Variants in TRIP12 observed in about 807,000 individuals in gnomAD.
TRIP12 encodes the protein thyroid hormone receptor interactor 12, also known as E3 ubiquitin-protein ligase TRIP12.
TRIP12 carries 25 observed loss-of-function variants against 244.2 expected under a neutral mutation model. The ratio of observed to expected loss-of-function variants is 0.10; its 90% CI spans 0.07 to 0.14. The LOEUF is 0.14. TRIP12 is among the 10% of genes least tolerant of loss of function. The pLI, the probability that TRIP12 is intolerant of heterozygous loss-of-function variation, is 1.00. For synonymous variants in TRIP12, 905 were observed against 873.1 expected, an observed-to-expected ratio of 1.04 and a Z score of -0.64; for missense variants, 1,677 against 2,486.4, an observed-to-expected ratio of 0.67 and a Z score of 6.92.
chr2:229,768,530 G>C, intron 41 of TRIP12, 86 bp downstream of exon 41: 1 of 1,230,212 alleles, frequency 8.1e-7, no homozygotes, highest in Non-Finnish European at 1.2e-6. Flanking sequence ...GTGAGATAAA[G>C]AATCTCCTGC....
At chr2:229,801,734 G>A (rs2044404088) in intron 21 of TRIP12, among the ~76,000 whole-genome samples, 1 of 152,174 alleles carries the variant, frequency 6.6e-6, no homozygotes, top group South Asian at 2.1e-4. Flanking sequence ...GAGAATTTAA[G>A]AACTCTCATT....
intron 4 of TRIP12, among the ~76,000 whole-genome samples, chr2:229,851,381 A>G (rs1480053030): frequency 6.6e-6 from 1 of 151,840 alleles, no homozygotes; most frequent in African/African-American, 2.4e-5. Flanking sequence ...TATCTAGCTA[A>G]TCTGGTGGGG....
rs190639111 is a variant in TRIP12, at chr2:229,777,363, T to C, written c.5481A>G (p.Leu1827=). ...TTTTCTTCTGTCTGACAATGTCTTC[T>C]AGGTGATAAACTGATCTGGCTACAA... ...DPVVARSVYH[L]EDIVRQKKRL... is the part of the protein sequence containing the mutation. Residue 1827 remains leucine (L), a synonymous_variant, in exon 37 of 42, where the codon CTA becomes CTG. Transcript: ENST00000675903. 11 of 1,613,958 alleles carry C rather than the reference T, an allele frequency of 6.8e-6. No individual in the cohort carries two copies. The Admixed American group carries it at 1.3e-4, about 20-fold the overall frequency.
At chr2:229,870,429 G>A (rs981283678) in intron 2 of TRIP12, among the ~76,000 whole-genome samples, 3 of 152,188 alleles carry the variant, frequency 2.0e-5, no homozygotes, top group African/African-American at 2.4e-5. Context: ...GATGAACAGA[G>A]AGGAGGCAGC....
intron 4 of TRIP12, among the ~76,000 whole-genome samples, chr2:229,846,674 T>TA (rs11379468): frequency 0.64 from 97,153 of 151,850 alleles, 31,372 homozygotes; most frequent in East Asian, 0.77. Flanking sequence ...AAAATAAATT[T>TA]AAAAAAATGA....
chr2:229,921,562 AC>A (rs1359525978), intron 1 of TRIP12: 1 of 147,066 alleles, frequency 6.8e-6, no homozygotes, highest in Non-Finnish European at 1.5e-5. Context: ...CGCAAGCCTT[AC>A]CCCGGTTCTG....
At position 229,774,676 on chromosome 2, in the gene TRIP12, G is replaced by A. The variant is rs542947248; in HGVS notation, c.5530-415C>T. Reference sequence around the variant, plus strand: ...ATACTAATAATACAGTTGGGAAATCGTAAATATAAAAAACATACTATCTAG... The same window carrying A: ...ATACTAATAATACAGTTGGGAAATCATAAATATAAAAAACATACTATCTAG... On this transcript the variant is annotated intron_variant, in intron 37 of 41. Coordinates refer to ENST00000675903, the MANE Select transcript of TRIP12 (RefSeq NM_001348323.3). Among the ~76,000 whole-genome samples the A allele has an allele frequency of 8.3e-4, 126 of 152,054 alleles. 1 individual carries two copies. Among genetic ancestry groups the A allele is most frequent in the Middle Eastern group, 3.4e-3 (1 of 294 alleles).
Position 229,767,678 on chromosome 2 carries a change from A to T in TRIP12, c.6080T>A (p.Phe2027Tyr). Residue 2027 changes from phenylalanine (F) to tyrosine (Y), a missense_variant, in exon 42 of 42, where the codon TTC becomes TAC. This residue lies in a region of TRIP12 where 171 missense variants were observed against 388.4 expected (regional missense o/e 0.44). Transcript: ENST00000675903. ...CACACAAGTCATTACAGAGGGCAAG[A>T]AGTCATCTGGGTTTTCTGTTGATTC... is the stretch of plus-strand genomic sequence containing the variant. ...TFESTENPDD[F>Y]LPSVMTCVNY... The T allele has an allele frequency of 6.2e-7, 1 of 1,614,214 alleles. No homozygotes were observed. Among genetic ancestry groups the T allele is most frequent in the Non-Finnish European group, 8.5e-7 (1 of 1,180,030 alleles).
At chr2:229,914,941 T>TA (rs1443764419) in intron 1 of TRIP12, among the ~76,000 whole-genome samples, 1 of 152,176 alleles carries the variant, frequency 6.6e-6, no homozygotes, top group Non-Finnish European at 1.5e-5. Flanking sequence ...TTGGAAACAC[T>TA]AATCATTTAG....
intron 18 of TRIP12, among the ~76,000 whole-genome samples, chr2:229,805,095 TA>T (rs2154271597): frequency 6.6e-6 from 1 of 151,974 alleles, no homozygotes; most frequent in South Asian, 2.1e-4. Context: ...TTAGTAGAGA[TA>T]GGGTTTCACC....
chr2:229,905,588 A>C (rs887856709), intron 1 of TRIP12, among the ~76,000 whole-genome samples: 2 of 152,238 alleles, frequency 1.3e-5, no homozygotes, highest in African/African-American at 4.8e-5. Context: ...TTCAGGTAAC[A>C]AAGTGCTGAG....
intron 1 of TRIP12, among the ~76,000 whole-genome samples, chr2:229,917,273 C>G (rs1001351167): frequency 1.3e-4 from 19 of 150,586 alleles, no homozygotes; most frequent in Non-Finnish European, 2.5e-4. Flanking sequence ...CCCAGCTACT[C>G]GGGAGGCTGA....
chr2:229,918,114 G>A (rs952662410), intron 1 of TRIP12, among the ~76,000 whole-genome samples: 3 of 152,214 alleles, frequency 2.0e-5, no homozygotes, highest in African/African-American at 7.2e-5. Context: ...AGCAAGTACA[G>A]TTAATCAGAA....
intron 34 of TRIP12, among the ~76,000 whole-genome samples, chr2:229,779,720 C>T (rs571131806): frequency 6.6e-5 from 10 of 152,270 alleles, no homozygotes; most frequent in African/African-American, 1.9e-4. Context: ...AGGGGTGCCA[C>T]GTCCTGAAGA....
rs777010656 is a variant in TRIP12, at chr2:229,778,634, C to CAAAACAAA, written c.5210-55_5210-48dup. ...AAACTTCAGATGATGTTTCCAAAAA[C>CAAAACAAA]AAAACAAAACCTGGTAACTAAGAAC... is the stretch of plus-strand genomic sequence containing the variant. On this transcript the variant is annotated intron_variant, in intron 35 of 41. Transcript: ENST00000675903. The surrounding 1 kb of genome is among the most constrained non-coding windows in gnomAD (Gnocchi z 4.1). 7.1e-5 allele frequency: 112 copies of CAAAACAAA among 1,581,396 alleles called. No homozygotes were observed. Among genetic ancestry groups the CAAAACAAA allele is most frequent in the Non-Finnish European group, 9.4e-5 (110 of 1,166,198 alleles).
intron 24 of TRIP12, 55 bp downstream of exon 24, chr2:229,797,635 A>C (rs1161571293): frequency 1.5e-5 from 24 of 1,592,326 alleles, no homozygotes; most frequent in Middle Eastern, 3.4e-4. Flanking sequence ...AAAGAGTAGC[A>C]GGAGATGCTG....
chr2:229,896,090 AAAG>A (rs1051464657), intron 1 of TRIP12, among the ~76,000 whole-genome samples: 3 of 152,270 alleles, frequency 2.0e-5, no homozygotes, highest in African/African-American at 4.8e-5. Context: ...CACCAGCAGA[AAAG>A]AAGTGGCCCA....
At chr2:229,805,095 T>C (rs973237967) in intron 18 of TRIP12, among the ~76,000 whole-genome samples, 2 of 151,854 alleles carry the variant, frequency 1.3e-5, no homozygotes, top group Non-Finnish European at 2.9e-5. Context: ...TTAGTAGAGA[T>C]AGGGTTTCAC....
intron 34 of TRIP12, among the ~76,000 whole-genome samples, chr2:229,780,742 ATCC>A (rs2154248210): frequency 6.6e-6 from 1 of 152,276 alleles, no homozygotes; most frequent in South Asian, 2.1e-4. Context: ...ATAATGCTTC[ATCC>A]TCTTATTTTT....
Sources: gnomAD v4.1 joint callset for allele counts (sites outside exome capture counted in the v4.1 genomes callset) on GRCh38, gnomAD v4.1.1 for gene constraint, gnomAD v4.1.1 regional missense constraint, Gnocchi (gnomAD v3.1) non-coding constraint, MANE v1.5 for transcripts, NCBI Gene and HGNC (gene_info 2026-07-23, HGNC 2026-07-21) for gene names.